The following PTPRM variants were observed in gnomAD, a reference collection of about 807,000 sequenced individuals.
PTPRM encodes the protein receptor-type tyrosine-protein phosphatase mu.
A neutral mutation model predicts 186.7 loss-of-function variants in PTPRM; 47 were observed. The ratio of observed to expected loss-of-function variants is 0.25; its 90% confidence interval spans 0.20 to 0.32. The LOEUF is 0.32. Ranked by LOEUF, PTPRM falls within the 10% of genes least tolerant of loss-of-function variation. The pLI, the probability that PTPRM is intolerant of heterozygous loss-of-function variation, is 1.00. For synonymous variants in PTPRM, 668 were observed against 674.9 expected (o/e 0.99, Z 0.16); for missense variants, 1,494 against 1,865.0 (o/e 0.80, Z 3.66).
intron 19 of PTPRM, among the ~76,000 whole-genome samples, chr18:8,282,229 CATA>C (rs2094911528): frequency 6.6e-6 from 1 of 152,134 alleles, no homozygotes; most frequent in African/African-American, 2.4e-5. Context: ...TGAGGTACAT[CATA>C]TTAGAGCAGC....
At position 7,950,940 on chromosome 18, in the gene PTPRM, TGTTA is replaced by T. The variant is rs1286490450; in HGVS notation, c.838+1592_838+1595del. ...TCTGTTGTGAGATCACCACTGCCAG[TGTTA>T]GTTAGTCACACGTAGCTTATGGGGG... is the stretch of plus-strand genomic sequence containing the variant. On this transcript the variant is annotated intron_variant, in intron 6 of 32. Coordinates refer to ENST00000580170, the MANE Select transcript of PTPRM (RefSeq NM_001105244.2). Among the ~76,000 whole-genome samples, 19 of 152,270 alleles carry T rather than the reference TGTTA, an allele frequency of 1.2e-4. 1 individual carries two copies. The highest frequency in any genetic ancestry group is 4.2e-4 in the South Asian group (2 of 4,818).
chr18:8,114,968 T>C, intron 13 of PTPRM, 141 bp downstream of exon 13: 1 of 623,294 alleles, frequency 1.6e-6, no homozygotes, highest in Non-Finnish European at 2.7e-6. Context: ...TATGCATGAA[T>C]GCATGTATGT....
intron 1 of PTPRM, among the ~76,000 whole-genome samples, chr18:7,666,462 C>A (rs1407269762): frequency 6.6e-6 from 1 of 152,154 alleles, no homozygotes; most frequent in African/African-American, 2.4e-5. Context: ...CACTGGGGCA[C>A]CCTTATGTCT....
At chr18:7,965,658 T>G (rs1430199657) in intron 7 of PTPRM, among the ~76,000 whole-genome samples, 1 of 152,226 alleles carries the variant, frequency 6.6e-6, no homozygotes, top group Non-Finnish European at 1.5e-5. Flanking sequence ...CTGAACATTT[T>G]AGGAAAAGTT....
chr18:7,671,833 T>G (rs2039223492), intron 1 of PTPRM, among the ~76,000 whole-genome samples: 1 of 152,202 alleles, frequency 6.6e-6, no homozygotes, highest in African/African-American at 2.4e-5. Context: ...TATGGTAACC[T>G]CTTTTTTGGC....
Position 8,394,462 on chromosome 18 carries a change from C to G in PTPRM, c.4209-14C>G. On this transcript the variant is annotated splice_polypyrimidine_tract_variant and intron_variant, in intron 31 of 32. Coordinates refer to ENST00000580170, the MANE Select transcript of PTPRM (RefSeq NM_001105244.2). ...GACAGACCGAGTGCAGTCATCTGAT[C>G]TTTTTCACGACAGGAACGGGGGAGG... The G allele has an allele frequency of 6.2e-7, 1 of 1,602,464 alleles. No homozygotes were observed. Among genetic ancestry groups the G allele is most frequent in the Non-Finnish European group, 8.5e-7 (1 of 1,173,898 alleles).
chr18:8,050,749 C>T (rs532079472), intron 7 of PTPRM, among the ~76,000 whole-genome samples: 1 of 152,162 alleles, frequency 6.6e-6, no homozygotes, highest in South Asian at 2.1e-4. Flanking sequence ...AAATAAGTGT[C>T]TTGAGGAAGG....
In PTPRM at chr18:7,739,511, C is replaced by G. The variant is rs770096882; in HGVS notation, c.74-34638C>G. 1.1e-4 allele frequency among the ~76,000 whole-genome samples: 16 copies of G among 152,130 alleles called. 1 individual carries two copies. The highest frequency in any genetic ancestry group is 2.1e-4 in the Non-Finnish European group (14 of 68,014). On this transcript the variant is annotated intron_variant, in intron 1 of 32. Coordinates refer to ENST00000580170, the MANE Select transcript of PTPRM (RefSeq NM_001105244.2). ...TTTAAAAATGTATTCCAATATCAAA[C>G]AGAAAATTTCAGCAATGCAAAAACT...
At chr18:8,023,785 A>G (rs1451588515) in intron 7 of PTPRM, among the ~76,000 whole-genome samples, 3 of 151,750 alleles carry the variant, frequency 2.0e-5, no homozygotes, top group African/African-American at 7.3e-5. Context: ...ATAATATACA[A>G]TGTAAATAAT....
rs144483429 is a variant in PTPRM, at chr18:8,306,583, G to A, written c.2843-8198G>A. Among the ~76,000 whole-genome samples the A allele has an allele frequency of 1.7e-3, 256 of 152,286 alleles. 1 individual carries two copies. Among genetic ancestry groups the A allele is most frequent in the African/African-American group, 5.9e-3 (247 of 41,560 alleles). On this transcript the variant is annotated intron_variant, in intron 20 of 32. Transcript: ENST00000580170. ...CAAGTCCTCATAGTCTTGACCCCGT[G>A]GTTTTCATGGTTAGTAATTGACCTG... is the stretch of plus-strand genomic sequence containing the variant.
At chr18:8,308,597 G>T (rs560264847) in intron 20 of PTPRM, among the ~76,000 whole-genome samples, 2 of 152,026 alleles carry the variant, frequency 1.3e-5, no homozygotes, top group Non-Finnish European at 2.9e-5. Flanking sequence ...TTTTTATCGT[G>T]CTAAATATTC....
chr18:7,842,947 T>TATAG (rs370746043), intron 2 of PTPRM, among the ~76,000 whole-genome samples: 4,174 of 111,952 alleles, frequency 0.037, 82 homozygotes, highest in Middle Eastern at 0.074. Context: ...TATATATATA[T>TATAG]AGAGAGAGAG....
At position 7,774,192 on chromosome 18, in the gene PTPRM, T is replaced by A. The variant is rs35224276; in HGVS notation, c.117T>A (p.Ser39Arg). 6,443 of 1,612,842 alleles carry A rather than the reference T, an allele frequency of 4.0e-3. 192 individuals carry two copies. The African/African-American group carries it at 0.071, about 18-fold the overall frequency. The change falls in exon 2 of 33, where the codon AGT becomes AGA. Residue 39 changes from serine to arginine, a missense_variant. Physicochemically the swap from Ser to Arg is moderately radical, Grantham distance 110 (BLOSUM62 -1). Transcript: ENST00000580170. ...AGCCGTATAGCACATGTGGATATAG[T>A]CAATCTGAAGGTGATGACTTCAATT... ...FDEPYSTCGYSQSEGDDFNWE... is the reference protein window; with the variant it reads ...FDEPYSTCGYRQSEGDDFNWE...
intron 14 of PTPRM, among the ~76,000 whole-genome samples, chr18:8,171,341 T>C (rs1179765510): frequency 6.6e-6 from 1 of 152,188 alleles, no homozygotes; most frequent in African/African-American, 2.4e-5. Context: ...TGCTAGGTAA[T>C]TTACGTTGCT....
chr18:7,973,172 A>G (rs901237292), intron 7 of PTPRM, among the ~76,000 whole-genome samples: 1 of 152,158 alleles, frequency 6.6e-6, no homozygotes, highest in Admixed American at 6.5e-5. Flanking sequence ...GTTCATTAAT[A>G]AAGGGAATAT....
intron 1 of PTPRM, among the ~76,000 whole-genome samples, chr18:7,631,321 T>C (rs2038186229): frequency 6.6e-6 from 1 of 152,208 alleles, no homozygotes; most frequent in African/African-American, 2.4e-5. Flanking sequence ...TTTTTACCCA[T>C]CCTTTCTTAA....
At chr18:8,387,741 T>TGTGTGTGC (rs769692654) in intron 31 of PTPRM, among the ~76,000 whole-genome samples, 6 of 116,954 alleles carry the variant, frequency 5.1e-5, no homozygotes, top group East Asian at 2.7e-4. Flanking sequence ...CTGGAGTGTG[T>TGTGTGTGC]GTGTGTGCGT....
chr18:8,002,440 G>T (rs987987025), intron 7 of PTPRM, among the ~76,000 whole-genome samples: 1 of 152,144 alleles, frequency 6.6e-6, no homozygotes, highest in Non-Finnish European at 1.5e-5. Flanking sequence ...AGAACCACAG[G>T]CAGAAAAGAC....
chr18:7,902,977 A>G (rs16952639), intron 3 of PTPRM, among the ~76,000 whole-genome samples: 3,011 of 152,274 alleles, frequency 0.02, 93 homozygotes, highest in African/African-American at 0.066. Flanking sequence ...CATGTACACT[A>G]TGTTCTAAAA....
Sources: allele counts gnomAD v4.1 joint callset (sites outside exome capture counted in the v4.1 genomes callset), GRCh38; gene constraint gnomAD v4.1.1; transcripts MANE v1.5; gene names NCBI Gene and HGNC (gene_info 2026-07-23, HGNC 2026-07-21).